The following EHBP1 variants were observed in gnomAD, a reference collection of about 807,000 sequenced individuals.
EHBP1 encodes the protein EH domain binding protein 1.
Under a neutral mutation model 144.0 loss-of-function variants are expected in EHBP1, and 55 were observed. That is an observed-to-expected ratio of 0.38 (90% CI 0.31 to 0.48). The LOEUF (loss-of-function observed/expected upper bound fraction) is 0.48. Among genes scored for constraint, EHBP1 ranks in the 20% least tolerant of loss-of-function variants. The pLI, the probability that EHBP1 is intolerant of heterozygous loss-of-function variation, is 0.98. For missense variants in EHBP1, 1,200 were observed against 1,364.2 expected (o/e 0.88, Z 1.90); for synonymous variants, 469 against 472.7 (o/e 0.99, Z 0.10).
intron 3 of EHBP1, among the ~76,000 whole-genome samples, chr2:62,748,826 T>C (rs967520510): frequency 2.6e-5 from 4 of 152,266 alleles, no homozygotes; most frequent in African/African-American, 7.2e-5. Context: ...AAATTTTTTA[T>C]TTAGGGCCTC....
intron 10 of EHBP1, among the ~76,000 whole-genome samples, chr2:62,940,872 G>A (rs574009035): frequency 1.3e-5 from 2 of 152,182 alleles, no homozygotes; most frequent in East Asian, 3.9e-4. Flanking sequence ...AGAAACAGAG[G>A]TACAGTCATA....
At chr2:63,028,929 A>G (rs1434592450) in intron 19 of EHBP1, among the ~76,000 whole-genome samples, 1 of 152,160 alleles carries the variant, frequency 6.6e-6, no homozygotes, top group Non-Finnish European at 1.5e-5. Context: ...AGTATTTGAT[A>G]TTCTGTTGTC....
In EHBP1 at chr2:62,977,805, GAC is replaced by G. The variant is rs750895514; in HGVS notation, c.2461-1377_2461-1376del. Among the ~76,000 whole-genome samples, 12 of 152,104 alleles carry G rather than the reference GAC, an allele frequency of 7.9e-5. No homozygotes were observed. The East Asian group carries it at 1.5e-3, about 20-fold the overall frequency. Reference sequence around the variant, plus strand: ...TTTAAAAAAATAACATATACACGTAGACACACATGAAGTACTGAAGTAACATA... The same window carrying G: ...TTTAAAAAAATAACATATACACGTAGACACATGAAGTACTGAAGTAACATA... On this transcript the variant is annotated intron_variant, in intron 14 of 22. Coordinates refer to ENST00000431489, the MANE Select transcript of EHBP1 (RefSeq NM_001142616.3).
At chr2:62,678,425 C>T (rs1260491335) in intron 1 of EHBP1, among the ~76,000 whole-genome samples, 1 of 152,128 alleles carries the variant, frequency 6.6e-6, no homozygotes, top group Non-Finnish European at 1.5e-5. Context: ...TTCTCTCATT[C>T]TGTGGGTTGT....
intron 5 of EHBP1, among the ~76,000 whole-genome samples, chr2:62,782,230 G>A (rs2042476767): frequency 6.6e-6 from 1 of 152,224 alleles, no homozygotes; most frequent in African/African-American, 2.4e-5. Flanking sequence ...GGATACGCGT[G>A]TGAGACAAGA....
intron 3 of EHBP1, among the ~76,000 whole-genome samples, chr2:62,753,160 T>C (rs1396285717): frequency 3.3e-5 from 5 of 152,250 alleles, no homozygotes; most frequent in Non-Finnish European, 7.3e-5. Flanking sequence ...TTTGTATGTT[T>C]AGTGCTTCCT....
chr2:63,023,317 A>G (rs2060836302), intron 19 of EHBP1, among the ~76,000 whole-genome samples: 1 of 152,218 alleles, frequency 6.6e-6, no homozygotes, highest in South Asian at 2.1e-4. Context: ...TTAGAGAAAC[A>G]AAGATTAATC....
intron 19 of EHBP1, among the ~76,000 whole-genome samples, chr2:63,009,272 A>G (rs186253863): frequency 1.3e-5 from 2 of 151,736 alleles, no homozygotes; most frequent in Admixed American, 6.6e-5. Context: ...TCTCTTCTGG[A>G]TAGTGGAATG....
chr2:62,858,448 A>T, intron 7 of EHBP1: 1 of 1,612,082 alleles, frequency 6.2e-7, no homozygotes, highest in Non-Finnish European at 8.5e-7. Flanking sequence ...TTAGATGAAG[A>T]TCAAGATGAC....
rs556402529 is a variant in EHBP1, at chr2:62,787,814, A to G, written c.312+16422A>G. On this transcript the variant is annotated intron_variant, in intron 5 of 22. Coordinates refer to ENST00000431489, the MANE Select transcript of EHBP1 (RefSeq NM_001142616.3). ...ATCCCTGGGTAGAATTATTTGAGCT[A>G]TAGATTGCAATTTATCATCAAAATG... Among the ~76,000 whole-genome samples the G allele has an allele frequency of 9.8e-5, 15 of 152,354 alleles. No homozygotes were observed. In the South Asian group the frequency reaches 2.9e-3, roughly 29 times the overall value.
At chr2:62,901,613 C>A (rs571316508) in intron 10 of EHBP1, among the ~76,000 whole-genome samples, 1 of 151,924 alleles carries the variant, frequency 6.6e-6, no homozygotes, top group South Asian at 2.1e-4. Context: ...TAGAATAGAT[C>A]CTCTGAGTTA....
chr2:62,941,125 A>G (rs1036339193), intron 10 of EHBP1, among the ~76,000 whole-genome samples: 2 of 151,816 alleles, frequency 1.3e-5, no homozygotes, highest in Admixed American at 1.3e-4. Context: ...TTTAAATGAT[A>G]GAAAGTCTAA....
intron 1 of EHBP1, among the ~76,000 whole-genome samples, chr2:62,689,623 G>A (rs1479592099): frequency 6.6e-6 from 1 of 152,170 alleles, no homozygotes; most frequent in Non-Finnish European, 1.5e-5. Context: ...CCGAGATTGT[G>A]CCACTGCACT....
chr2:62,798,464 T>C (rs1251478759), intron 5 of EHBP1, among the ~76,000 whole-genome samples: 1 of 152,220 alleles, frequency 6.6e-6, no homozygotes, highest in Non-Finnish European at 1.5e-5. Flanking sequence ...GAGACTAGTA[T>C]ACTAGTTGTG....
Position 63,006,735 on chromosome 2 carries a change from G to A in EHBP1, c.3103+9969G>A, listed in dbSNP as rs1040685248. 2.6e-5 allele frequency among the ~76,000 whole-genome samples: 4 copies of A among 151,596 alleles called. No individual in the cohort carries two copies. In the East Asian group the frequency reaches 5.8e-4, roughly 22 times the overall value. Reference sequence around the variant, plus strand: ...AATGCTAAAGATCATAATAGAATACGTGCCATTTTTCCTGAAAAATTTTAT... The same window carrying A: ...AATGCTAAAGATCATAATAGAATACATGCCATTTTTCCTGAAAAATTTTAT... On this transcript the variant is annotated intron_variant, in intron 19 of 22. Transcript: ENST00000431489.
chr2:62,751,712 G>A (rs894149562), intron 3 of EHBP1, among the ~76,000 whole-genome samples: 4 of 152,092 alleles, frequency 2.6e-5, no homozygotes, highest in South Asian at 2.1e-4. Context: ...TTTAGGCTTC[G>A]GAGGGTGTAT....
At position 62,948,450 on chromosome 2, in the gene EHBP1, A is replaced by T; in HGVS notation, c.1604A>T (p.Asn535Ile). The part of the protein sequence containing the change: ...NSSKSTYKVG[N>I]YETDTNSSVD... Reference sequence around the variant, plus strand: ...AGTAAAAGCACATATAAAGTTGGAAACTATGAAACAGATACAAACAGTTCT... The same window carrying T: ...AGTAAAAGCACATATAAAGTTGGAATCTATGAAACAGATACAAACAGTTCT... Residue 535 changes from asparagine (N) to isoleucine (I), a missense_variant, in exon 13 of 23, where the codon AAC becomes ATC. By Grantham distance (149) the Asn-to-Ile change is moderately radical. Coordinates refer to ENST00000431489, the MANE Select transcript of EHBP1 (RefSeq NM_001142616.3). 1.2e-6 allele frequency: 2 copies of T among 1,613,322 alleles called. No homozygotes were observed. Among genetic ancestry groups the T allele is most frequent in the Non-Finnish European group, 1.7e-6 (2 of 1,179,558 alleles).
chr2:62,981,120 A>G (rs1645575550), intron 15 of EHBP1, among the ~76,000 whole-genome samples: 4 of 150,840 alleles, frequency 2.7e-5, no homozygotes, highest in Admixed American at 6.6e-5. Flanking sequence ...TTCGACTCCT[A>G]TCATGCAGCT....
chr2:62,680,735 G>A (rs1180045356), intron 1 of EHBP1, among the ~76,000 whole-genome samples: 1 of 152,070 alleles, frequency 6.6e-6, no homozygotes, highest in Non-Finnish European at 1.5e-5. Flanking sequence ...GGAATATGAG[G>A]CTATTTAGTG....
Sources: gnomAD v4.1 joint callset for allele counts (sites outside exome capture counted in the v4.1 genomes callset) on GRCh38, gnomAD v4.1.1 for gene constraint, MANE v1.5 for transcripts, NCBI Gene and HGNC (gene_info 2026-07-23, HGNC 2026-07-21) for gene names.